Variants in THSD7B observed in about 807,000 individuals in gnomAD.
THSD7B encodes the protein thrombospondin type-1 domain-containing protein 7B.
A neutral mutation model predicts 213.6 loss-of-function variants in THSD7B; 138 were observed. The observed-to-expected ratio is 0.65, with a 90% confidence interval of 0.56 to 0.74. The LOEUF is 0.74. THSD7B is among the 30% of genes least tolerant of loss of function. The pLI is 0.00. For synonymous variants in THSD7B, 742 were observed against 687.0 expected (o/e 1.08, Z -1.25); for missense variants, 1,931 against 1,991.5 (o/e 0.97, Z 0.58).
intron 5 of THSD7B, among the ~76,000 whole-genome samples, chr2:137,132,391 A>G (rs917744992): frequency 1.3e-5 from 2 of 151,362 alleles, no homozygotes; most frequent in Non-Finnish European, 2.9e-5. Context: ...TAAAGAAGCT[A>G]TGTAAAGATT....
chr2:137,397,252 C>T (rs1686216885), intron 12 of THSD7B, among the ~76,000 whole-genome samples: 1 of 152,040 alleles, frequency 6.6e-6, no homozygotes, highest in Non-Finnish European at 1.5e-5. Context: ...GCAGTTTCTT[C>T]CTAGTCTCGA....
chr2:137,315,084 T>C (rs1204119550), intron 12 of THSD7B, among the ~76,000 whole-genome samples: 1 of 152,214 alleles, frequency 6.6e-6, no homozygotes, highest in Non-Finnish European at 1.5e-5. Context: ...GCCTGGGCAA[T>C]GGCGGGCGCC....
intron 5 of THSD7B, among the ~76,000 whole-genome samples, chr2:137,135,154 C>T (rs542730340): frequency 6.6e-6 from 1 of 152,224 alleles, no homozygotes; most frequent in East Asian, 1.9e-4. Context: ...TTATTATTGC[C>T]ATTCTAACCC....
chr2:137,453,326 C>CTTTTTTTTTTTTTTTTT (rs70978223), intron 15 of THSD7B, among the ~76,000 whole-genome samples: 1 of 96,856 alleles, frequency 1.0e-5, no homozygotes, highest in Non-Finnish European at 1.8e-5. Context: ...TTGAAATTTA[C>CTTTTTTTTTTTTTTTTT]TTTTTTTTTT....
intron 12 of THSD7B, among the ~76,000 whole-genome samples, chr2:137,314,610 G>A (rs1430242450): frequency 6.6e-6 from 1 of 152,190 alleles, no homozygotes; most frequent in Non-Finnish European, 1.5e-5. Flanking sequence ...CAGTTTTTCT[G>A]CTCTGTTTTT....
intron 12 of THSD7B, among the ~76,000 whole-genome samples, chr2:137,364,106 T>A (rs1307352054): frequency 1.3e-5 from 2 of 152,168 alleles, no homozygotes; most frequent in Non-Finnish European, 2.9e-5. Context: ...TCAATAAACA[T>A]AATCCAGCAT....
At chr2:137,618,566 G>T in intron 19 of THSD7B, 59 bp downstream of exon 19, 2 of 1,454,810 alleles carry the variant, frequency 1.4e-6, no homozygotes, top group Non-Finnish European at 9.5e-7. Context: ...ATATTGGTCT[G>T]CAGTTCCATG....
chr2:137,550,827 G>A (rs1680832376), intron 15 of THSD7B, among the ~76,000 whole-genome samples: 2 of 152,120 alleles, frequency 1.3e-5, no homozygotes, highest in South Asian at 4.1e-4. Flanking sequence ...TCAGGCCAGA[G>A]GGAAAGGGTT....
At chr2:137,137,911 T>C (rs1679497755) in intron 5 of THSD7B, among the ~76,000 whole-genome samples, 4 of 152,140 alleles carry the variant, frequency 2.6e-5, no homozygotes, top group Admixed American at 2.6e-4. Context: ...GAATATTCTT[T>C]TTTTTGAAAT....
chr2:136,937,701 C>A (rs1684758464), intron 2 of THSD7B, among the ~76,000 whole-genome samples: 1 of 152,086 alleles, frequency 6.6e-6, no homozygotes, highest in Non-Finnish European at 1.5e-5. Flanking sequence ...CTGCTTCATA[C>A]AATTGCCTGA....
intron 2 of THSD7B, among the ~76,000 whole-genome samples, chr2:137,051,228 T>G (rs998611486): frequency 6.6e-6 from 1 of 152,228 alleles, no homozygotes; most frequent in African/African-American, 2.4e-5. Context: ...TTACACTTAG[T>G]GCACAGCATT....
chr2:137,501,451 G>T (rs546143194), intron 15 of THSD7B, among the ~76,000 whole-genome samples: 1 of 151,868 alleles, frequency 6.6e-6, no homozygotes. Context: ...ATTTGGTAAA[G>T]GTATTTTATT....
chr2:137,475,617 T>TAAG (rs1688175945), intron 15 of THSD7B, among the ~76,000 whole-genome samples: 1 of 152,190 alleles, frequency 6.6e-6, no homozygotes, highest in Admixed American at 6.5e-5. Context: ...TCACTTCACA[T>TAAG]AAGGACCTCC....
intron 1 of THSD7B, among the ~76,000 whole-genome samples, chr2:136,854,796 T>C (rs1037313660): frequency 2.0e-5 from 3 of 151,960 alleles, no homozygotes; most frequent in African/African-American, 7.3e-5. Context: ...ATGGTGATAC[T>C]TGGGATGTGG....
At chr2:137,277,614 C>T (rs1443682829) in intron 12 of THSD7B, among the ~76,000 whole-genome samples, 1 of 152,078 alleles carries the variant, frequency 6.6e-6, no homozygotes, top group South Asian at 2.1e-4. Flanking sequence ...AGTAAACTTA[C>T]TTTCAGGTAA....
chr2:137,653,909 T>TCA (rs1254600404), intron 21 of THSD7B, among the ~76,000 whole-genome samples: 1 of 152,060 alleles, frequency 6.6e-6, no homozygotes, highest in Non-Finnish European at 1.5e-5. Context: ...GTTGTTAGGA[T>TCA]CACACACTGG....
chr2:136,992,629 C>G (rs1432594605), intron 2 of THSD7B, among the ~76,000 whole-genome samples: 1 of 152,196 alleles, frequency 6.6e-6, no homozygotes, highest in East Asian at 1.9e-4. Flanking sequence ...CACACACACT[C>G]AAGGCATGAA....
At chr2:137,111,173 C>T (rs893985634) in intron 4 of THSD7B, among the ~76,000 whole-genome samples, 7 of 152,150 alleles carry the variant, frequency 4.6e-5, no homozygotes, top group Non-Finnish European at 1.0e-4. Flanking sequence ...TATTCTCGAA[C>T]TGTACTTGTA....
At chr2:137,093,633 G>A (rs1340865971) in intron 3 of THSD7B, among the ~76,000 whole-genome samples, 3 of 152,152 alleles carry the variant, frequency 2.0e-5, no homozygotes, top group Non-Finnish European at 4.4e-5. Flanking sequence ...TTTTAAAAAT[G>A]TAGCTCAGGT....
Sources: allele counts gnomAD v4.1 joint callset (sites outside exome capture counted in the v4.1 genomes callset), GRCh38; gene constraint gnomAD v4.1.1; transcripts MANE v1.5; gene names NCBI Gene and HGNC (gene_info 2026-07-23, HGNC 2026-07-21).